CNKSR3: variants seen among roughly 807,000 people sequenced by gnomAD.
CNKSR3 encodes connector enhancer of kinase suppressor of ras 3.
In CNKSR3, 36 loss-of-function variants were observed where a neutral mutation model predicts 67.7. That is an observed-to-expected ratio of 0.53 (90% CI 0.41 to 0.70). The LOEUF (loss-of-function observed/expected upper bound fraction) is 0.70. CNKSR3 is among the 30% of genes least tolerant of loss of function. CNKSR3 has a pLI of 0.00. For synonymous variants in CNKSR3, 281 were observed against 271.4 expected (o/e 1.04, Z -0.35); for missense variants, 630 against 695.2 (o/e 0.91, Z 1.05).
At chr6:154,437,273 T>C (rs1785490018) in intron 4 of CNKSR3, among the ~76,000 whole-genome samples, 1 of 152,144 alleles carries the variant, frequency 6.6e-6, no homozygotes, top group Admixed American at 6.6e-5. Context: ...CCCTGGCACG[T>C]TCAATCTCAT....
intron 1 of CNKSR3, among the ~76,000 whole-genome samples, chr6:154,479,356 G>C (rs930728832): frequency 1.3e-5 from 2 of 152,282 alleles, no homozygotes; most frequent in South Asian, 2.1e-4. Flanking sequence ...TTCAGAATCA[G>C]GTTCTAACTG....
In CNKSR3 at chr6:154,392,004, G is replaced by A. The variant is rs566929045; in HGVS notation, c.*14350C>T. 1 of 152,326 alleles carries A rather than the reference G, an allele frequency of 6.6e-6. No homozygotes were observed. Among genetic ancestry groups the A allele is most frequent in the East Asian group, 1.9e-4 (1 of 5,182 alleles). The allele number at this position is 152,326 out of a possible 1,614,324, so 9.4% of individuals were successfully genotyped here. A position where few individuals can be genotyped will look rare whatever the true frequency, so the allele number is the denominator to read the frequency against. ...AGGCAGGCGGATCATGAGGTCAAGA[G>A]ACAGAGACCATCCTGGCCAACATGG... On this transcript the variant is annotated 3_prime_UTR_variant, in exon 13 of 13. Transcript: ENST00000607772.
At chr6:154,476,951 C>A (rs1562350866) in intron 1 of CNKSR3, among the ~76,000 whole-genome samples, 1 of 152,106 alleles carries the variant, frequency 6.6e-6, no homozygotes, top group Non-Finnish European at 1.5e-5. Flanking sequence ...TGAAACAGTT[C>A]ATTCCCTCAT....
At chr6:154,467,217 C>G (rs975139623) in intron 1 of CNKSR3, among the ~76,000 whole-genome samples, 1 of 152,138 alleles carries the variant, frequency 6.6e-6, no homozygotes, top group Non-Finnish European at 1.5e-5. Context: ...ACTTTAATCA[C>G]CTCCATCCCT....
chr6:154,481,274 A>G (rs937251937), intron 1 of CNKSR3, among the ~76,000 whole-genome samples: 1 of 150,448 alleles, frequency 6.6e-6, no homozygotes, highest in Non-Finnish European at 1.5e-5. Flanking sequence ...TTTATTTGAT[A>G]GCAGTCTTAT....
chr6:154,456,266 T>C (rs952106163), intron 1 of CNKSR3, among the ~76,000 whole-genome samples: 1 of 151,926 alleles, frequency 6.6e-6, no homozygotes, highest in Non-Finnish European at 1.5e-5. Flanking sequence ...CTCACCTGAG[T>C]TGGGTTTTGT....
intron 1 of CNKSR3, among the ~76,000 whole-genome samples, chr6:154,451,742 G>C (rs1018710131): frequency 6.6e-6 from 1 of 152,196 alleles, no homozygotes; most frequent in South Asian, 2.1e-4. Flanking sequence ...AGGAAGAAGA[G>C]TAGTTTTCTG....
At chr6:154,437,474 C>T (rs1214529442) in intron 4 of CNKSR3, among the ~76,000 whole-genome samples, 1 of 130,266 alleles carries the variant, frequency 7.7e-6, no homozygotes, top group Non-Finnish European at 1.5e-5. Context: ...AGTGAAGTGG[C>T]GCGATCTTGG....
At chr6:154,443,656 CA>C (rs796128412) in intron 2 of CNKSR3, among the ~76,000 whole-genome samples, 2 of 150,504 alleles carry the variant, frequency 1.3e-5, no homozygotes, top group East Asian at 1.9e-4. Context: ...GACACTCACA[CA>C]AAAAAAAACA....
intron 1 of CNKSR3, among the ~76,000 whole-genome samples, chr6:154,479,111 C>T (rs192005959): frequency 6.8e-6 from 1 of 146,842 alleles, no homozygotes; most frequent in African/African-American, 2.7e-5. Context: ...CAGCCTATAC[C>T]CCCCCATCCT....
At chr6:154,472,495 A>G (rs548475414) in intron 1 of CNKSR3, among the ~76,000 whole-genome samples, 6 of 152,162 alleles carry the variant, frequency 3.9e-5, no homozygotes, top group Admixed American at 6.5e-5. Context: ...CCTCAACTCT[A>G]AATCCCCCTT....
At chr6:154,501,557 A>G (rs1314350829) in intron 1 of CNKSR3, among the ~76,000 whole-genome samples, 2 of 151,824 alleles carry the variant, frequency 1.3e-5, no homozygotes, top group African/African-American at 2.4e-5. Context: ...GGGCCTTTGC[A>G]TGAGTTATTC....
At chr6:154,492,704 C>T (rs913805256) in intron 1 of CNKSR3, among the ~76,000 whole-genome samples, 1 of 150,668 alleles carries the variant, frequency 6.6e-6, no homozygotes, top group Non-Finnish European at 1.5e-5. Flanking sequence ...AGAGATTGTG[C>T]CACTGCACTC....
intron 1 of CNKSR3, among the ~76,000 whole-genome samples, chr6:154,472,921 C>T (rs1458214110): frequency 6.6e-6 from 1 of 152,070 alleles, no homozygotes; most frequent in Admixed American, 6.6e-5. Flanking sequence ...ATAGGAACCT[C>T]CCTTTCTTCT....
rs1784578247 is a variant in CNKSR3 at position 154,388,945 on chromosome 6, T to TTG, written c.*17408_*17409insCA. 1 of 151,898 alleles carries TTG rather than the reference T, an allele frequency of 6.6e-6. No individual in the cohort carries two copies. The highest frequency in any genetic ancestry group is 2.4e-5 in the African/African-American group (1 of 41,358). The allele number at this position is 151,898 out of a possible 1,614,324, so 9.4% of individuals were successfully genotyped here. A position where few individuals can be genotyped will look rare whatever the true frequency, so the allele number is the denominator to read the frequency against. On this transcript the variant is annotated 3_prime_UTR_variant, in exon 13 of 13. Transcript: ENST00000607772. ...TTGGCCCATTTGTAAAAATTGGGTT[T>TTG]TTTTTTTTTTGCTATTGAGTTATGA...
At chr6:154,463,438 G>A (rs1163168535) in intron 1 of CNKSR3, among the ~76,000 whole-genome samples, 1 of 152,064 alleles carries the variant, frequency 6.6e-6, no homozygotes, top group African/African-American at 2.4e-5. Context: ...ATGGGCTGGG[G>A]GTATTCACCG....
At chr6:154,473,652 A>C (rs1314387670) in intron 1 of CNKSR3, among the ~76,000 whole-genome samples, 1 of 152,200 alleles carries the variant, frequency 6.6e-6, no homozygotes, top group African/African-American at 2.4e-5. Context: ...CGGCTCTTAC[A>C]GAGCATCTAG....
intron 6 of CNKSR3, among the ~76,000 whole-genome samples, chr6:154,429,917 G>C (rs1785330331): frequency 6.6e-6 from 1 of 152,166 alleles, no homozygotes; most frequent in African/African-American, 2.4e-5. Context: ...AGCTCTCTCT[G>C]ACTCAAAGCC....
At position 154,392,860 on chromosome 6, in the gene CNKSR3, T is replaced by G. The variant is rs1054983595; in HGVS notation, c.*13494A>C. ...TGACTTCTTTTCTGGGAAACCAACT[T>G]CTAGAACACTTTGAAATGTTAGCAT... On this transcript the variant is annotated 3_prime_UTR_variant, in exon 13 of 13. Transcript: ENST00000607772. 1.3e-5 allele frequency: 2 copies of G among 152,318 alleles called. No individual in the cohort carries two copies. Among genetic ancestry groups the G allele is most frequent in the African/African-American group, 4.8e-5 (2 of 41,462 alleles). The allele number at this position is 152,318 out of a possible 1,614,324, so 9.4% of individuals were successfully genotyped here.
Sources: allele counts gnomAD v4.1 joint callset (sites outside exome capture counted in the v4.1 genomes callset), GRCh38; gene constraint gnomAD v4.1.1; transcripts MANE v1.5; gene names NCBI Gene and HGNC (gene_info 2026-07-23, HGNC 2026-07-21).